DIAPH2: variants seen among roughly 807,000 people sequenced by gnomAD.
DIAPH2 encodes the protein diaphanous related formin 2, also known as protein diaphanous homolog 2.
A neutral mutation model predicts 92.7 loss-of-function variants in DIAPH2; 35 were observed. The observed-to-expected ratio is 0.38, with a 90% CI of 0.29 to 0.50. The LOEUF is 0.50. Ranked by LOEUF, DIAPH2 falls within the 20% of genes least tolerant of loss-of-function variation. The pLI is 0.94. For synonymous variants in DIAPH2, 301 were observed against 280.4 expected (o/e 1.07, Z -0.73); for missense variants, 701 against 819.5 (o/e 0.86, Z 1.77).
At chrX:96,930,027 G>A (rs1401390064) in intron 9 of DIAPH2, among the ~76,000 whole-genome samples, 1 of 109,937 alleles carries the variant, frequency 9.1e-6, no homozygotes, top group Non-Finnish European at 1.9e-5. Context: ...GGTAAGAAAA[G>A]CAAAACTCAT....
intron 25 of DIAPH2, 63 bp downstream of exon 25, chrX:97,384,107 T>C (rs2069577006): frequency 1.0e-6 from 1 of 958,921 alleles, no homozygotes; most frequent in East Asian, 3.2e-5. Flanking sequence ...CAGTTATTTA[T>C]TTTTGGATTA....
intron 26 of DIAPH2, among the ~76,000 whole-genome samples, chrX:97,589,014 T>TATATATATATATATATATATAA (rs2071498095): frequency 1.3e-5 from 1 of 76,604 alleles, no homozygotes; most frequent in Admixed American, 1.6e-4. Flanking sequence ...TATATATATA[T>TATATATATATATATATATATAA]ATATATATAT....
chrX:96,812,516 C>T (rs2064692656), intron 4 of DIAPH2, among the ~76,000 whole-genome samples: 1 of 111,178 alleles, frequency 9.0e-6, no homozygotes, highest in Non-Finnish European at 1.9e-5. Flanking sequence ...GTGTCTTTAT[C>T]TCCTTCAGTT....
rs184856588 is a variant in DIAPH2, at chrX:97,319,673, A to T, written c.2845-28443A>T. ...AGTGCTGGGATAACAGGCGTGAGCC[A>T]CCACGCCCGGCCAAAATTCCCATAA... On this transcript the variant is annotated intron_variant, in intron 23 of 26. Transcript: ENST00000324765. Among the ~76,000 whole-genome samples, 735 of 111,106 alleles carry T rather than the reference A, an allele frequency of 6.6e-3. 11 individuals are homozygous for T. Among genetic ancestry groups the T allele is most frequent in the African/African-American group, 0.023 (702 of 30,700 alleles).
chrX:97,409,019 T>C (rs776193664), intron 25 of DIAPH2, among the ~76,000 whole-genome samples: 1 of 112,103 alleles, frequency 8.9e-6, no homozygotes, highest in Non-Finnish European at 1.9e-5. Flanking sequence ...TGGGAGAGAC[T>C]AGAAACAGGG....
At chrX:96,791,007 G>C (rs890222895) in intron 4 of DIAPH2, among the ~76,000 whole-genome samples, 2 of 111,817 alleles carry the variant, frequency 1.8e-5, no homozygotes, top group Non-Finnish European at 3.8e-5. Flanking sequence ...CCTTTTAGTT[G>C]TTATACTTAA....
intron 4 of DIAPH2, among the ~76,000 whole-genome samples, chrX:96,774,235 G>C (rs2064360423): frequency 8.9e-6 from 1 of 111,930 alleles, no homozygotes; most frequent in Admixed American, 9.5e-5. Flanking sequence ...TCAGAGCTTG[G>C]CCTCTTAACC....
intron 17 of DIAPH2, among the ~76,000 whole-genome samples, chrX:96,976,041 C>A (rs1207502353): frequency 1.2e-5 from 1 of 82,948 alleles, no homozygotes; most frequent in East Asian, 4.6e-4. Context: ...TCCTTCTTTT[C>A]CACTCTGTAA....
chrX:97,564,865 A>G (rs755128432), intron 26 of DIAPH2, among the ~76,000 whole-genome samples: 60 of 112,106 alleles, frequency 5.4e-4, no homozygotes, highest in Non-Finnish European at 9.8e-4. Context: ...GCTTTGTAAG[A>G]GAAACCAAGG....
chrX:96,751,647 G>GTTTTTTTT (rs1332024432), intron 3 of DIAPH2, among the ~76,000 whole-genome samples: 6 of 85,045 alleles, frequency 7.1e-5, no homozygotes, highest in South Asian at 6.2e-4. Context: ...AGACTTCAGT[G>GTTTTTTTT]TTTTGTTTTT....
At chrX:97,404,834 G>A (rs899645557) in intron 25 of DIAPH2, among the ~76,000 whole-genome samples, 5 of 112,145 alleles carry the variant, frequency 4.5e-5, no homozygotes, top group Non-Finnish European at 9.4e-5. Context: ...TGAGTTGGTT[G>A]GTTTGTTCTC....
At chrX:97,445,081 C>G (rs1569399417) in intron 26 of DIAPH2, among the ~76,000 whole-genome samples, 1 of 111,692 alleles carries the variant, frequency 9.0e-6, no homozygotes, top group East Asian at 2.8e-4. Flanking sequence ...CCATAGGATA[C>G]AGGTTGGGAA....
intron 23 of DIAPH2, among the ~76,000 whole-genome samples, chrX:97,328,863 C>T (rs1402717320): frequency 9.0e-6 from 1 of 111,143 alleles, no homozygotes; most frequent in East Asian, 2.8e-4. Context: ...TTAATTTTCA[C>T]CCGCTAATGA....
At chrX:96,737,248 C>A in intron 2 of DIAPH2, among the ~76,000 whole-genome samples, 1 of 111,986 alleles carries the variant, frequency 8.9e-6, no homozygotes. Context: ...CAACTGTGTA[C>A]TCAAATTGCT....
intron 26 of DIAPH2, among the ~76,000 whole-genome samples, chrX:97,483,207 A>G (rs2070663353): frequency 9.1e-6 from 1 of 110,017 alleles, no homozygotes; most frequent in Admixed American, 9.9e-5. Context: ...TCAGAAGGAG[A>G]AAAAGAAAAC....
Position 97,348,068 on chromosome X carries a change from T to C in DIAPH2, c.2845-48T>C, listed in dbSNP as rs749502297. The C allele has an allele frequency of 2.6e-6, 3 of 1,136,594 alleles. No homozygotes were observed. In the East Asian group the frequency reaches 9.1e-5, roughly 34 times the overall value. The allele number at this position is 1,136,594 out of a possible 1,213,427, so 93.7% of individuals were successfully genotyped here. A position where few individuals can be genotyped will look rare whatever the true frequency, so the allele number is the denominator to read the frequency against. Reference sequence around the variant, plus strand: ...TTTAATCTTAACATCTAGTGATTGATTGCCTTTAAAAGGTACTGTTGAGCC... The same window carrying C: ...TTTAATCTTAACATCTAGTGATTGACTGCCTTTAAAAGGTACTGTTGAGCC... On this transcript the variant is annotated intron_variant, in intron 23 of 26. Coordinates refer to ENST00000324765, the MANE Select transcript of DIAPH2 (RefSeq NM_006729.5).
chrX:97,359,593 T>C (rs1444938277), intron 24 of DIAPH2, among the ~76,000 whole-genome samples: 1 of 101,094 alleles, frequency 9.9e-6, no homozygotes, highest in Non-Finnish European at 2.0e-5. Context: ...TTTTTTTTTT[T>C]TATGATACAG....
At chrX:96,694,152 A>G (rs936667478) in intron 1 of DIAPH2, among the ~76,000 whole-genome samples, 1 of 112,236 alleles carries the variant, frequency 8.9e-6, no homozygotes, top group Non-Finnish European at 1.9e-5. Flanking sequence ...TCAAATGTAG[A>G]TGGCTGTGCC....
chrX:97,033,509 T>C (rs1310535503), intron 17 of DIAPH2, among the ~76,000 whole-genome samples: 1 of 111,848 alleles, frequency 8.9e-6, no homozygotes, highest in East Asian at 2.8e-4. Context: ...ATAGCTTACT[T>C]TAGCTAAATA....
Sources: allele counts gnomAD v4.1 joint callset (sites outside exome capture counted in the v4.1 genomes callset), GRCh38; gene constraint gnomAD v4.1.1; transcripts MANE v1.5; gene names NCBI Gene and HGNC (gene_info 2026-07-23, HGNC 2026-07-21).